The following RASGEF1A variants were observed in gnomAD, a reference collection of about 807,000 sequenced individuals.
RASGEF1A encodes RasGEF domain family member 1A.
RASGEF1A carries 18 observed loss-of-function variants against 56.4 expected under a neutral mutation model. That is an observed-to-expected ratio of 0.32 (90% confidence interval 0.22 to 0.47). RASGEF1A has a LOEUF of 0.47. Among genes scored for constraint, RASGEF1A ranks in the 20% least tolerant of loss-of-function variants. The probability of loss-of-function intolerance (pLI) is 1.00; values close to 1 mark genes in which losing one functional copy is unlikely to be tolerated. For synonymous variants in RASGEF1A, 245 were observed against 242.6 expected, an observed-to-expected ratio of 1.01 and a Z score of -0.09; for missense variants, 422 against 627.1, an observed-to-expected ratio of 0.67 and a Z score of 3.49.
intron 1 of RASGEF1A, among the ~76,000 whole-genome samples, chr10:43,209,373 C>CA: frequency 6.6e-6 from 1 of 152,304 alleles, no homozygotes; most frequent in East Asian, 1.9e-4. Context: ...GAGCAAGCAG[C>CA]AGGGGTAGGC....
chr10:43,212,975 G>A (rs915407005), intron 1 of RASGEF1A, among the ~76,000 whole-genome samples: 1 of 152,212 alleles, frequency 6.6e-6, no homozygotes, highest in African/African-American at 2.4e-5. Flanking sequence ...AGGTCACTAT[G>A]TTAAGTGGAG....
chr10:43,237,728 G>A (rs1024730031), intron 1 of RASGEF1A, among the ~76,000 whole-genome samples: 2 of 151,790 alleles, frequency 1.3e-5, no homozygotes, highest in African/African-American at 2.4e-5. Flanking sequence ...AGCTGGCTCC[G>A]CTCTCCCCAA....
chr10:43,257,397 C>A (rs1003432861), intron 1 of RASGEF1A, among the ~76,000 whole-genome samples: 2 of 152,258 alleles, frequency 1.3e-5, no homozygotes, highest in Non-Finnish European at 2.9e-5. Context: ...CAGCGAGTCC[C>A]ACCCATGCAG....
At chr10:43,227,753 T>C (rs1840299753) in intron 1 of RASGEF1A, among the ~76,000 whole-genome samples, 1 of 151,968 alleles carries the variant, frequency 6.6e-6, no homozygotes, top group African/African-American at 2.4e-5. Flanking sequence ...GGGTGGGAAG[T>C]GTTGAACTGT....
chr10:43,198,844 C>T (rs1839842836), intron 9 of RASGEF1A, 89 bp downstream of exon 9: 2 of 1,228,790 alleles, frequency 1.6e-6, no homozygotes, highest in Non-Finnish European at 1.2e-6. Flanking sequence ...AGGAGGGCAG[C>T]CCCCCACCCC....
Position 43,196,952 on chromosome 10 carries a change from G to A in RASGEF1A, c.1348+24C>T. ...AGGAGTCAGGTGGGGTGGGAGGCAT[G>A]CTGCGTTGGGAGGCAGCCCTCACCT... is the stretch of plus-strand genomic sequence containing the variant. On this transcript the variant is annotated intron_variant, in intron 11 of 12. Transcript: ENST00000395810. The surrounding 1 kb of genome is among the most constrained non-coding windows in gnomAD (Gnocchi z 4.6). 1 of 1,610,982 alleles carries A rather than the reference G, an allele frequency of 6.2e-7. No individual in the cohort carries two copies. Among genetic ancestry groups the A allele is most frequent in the African/African-American group, 1.3e-5 (1 of 75,018 alleles).
chr10:43,239,814 A>C (rs958703093), intron 1 of RASGEF1A, among the ~76,000 whole-genome samples: 3 of 152,226 alleles, frequency 2.0e-5, no homozygotes, highest in African/African-American at 7.2e-5. Flanking sequence ...AAGTACAAAA[A>C]TCATATTCCC....
intron 1 of RASGEF1A, among the ~76,000 whole-genome samples, chr10:43,246,368 T>A (rs1038546060): frequency 3.9e-5 from 6 of 152,174 alleles, no homozygotes; most frequent in African/African-American, 1.4e-4. Flanking sequence ...GCAATCCCTA[T>A]CAAAATTCTA....
Position 43,267,047 on chromosome 10 carries a change from G to A in RASGEF1A, c.-209C>T, listed in dbSNP as rs906496180. ...CGCCGGGGAGCGCGAGCGAGCGAGC[G>A]AACGAGCGAGCGCGGAGCGAGCGCC... On this transcript the variant is annotated 5_prime_UTR_variant, in exon 1 of 13. Coordinates refer to ENST00000395810, the MANE Select transcript of RASGEF1A (RefSeq NM_145313.4). 2 of 149,978 alleles carry A rather than the reference G, an allele frequency of 1.3e-5. No individual in the cohort carries two copies. Among genetic ancestry groups the A allele is most frequent in the Non-Finnish European group, 1.5e-5 (1 of 67,464 alleles). The allele number at this position is 149,978 out of a possible 1,614,324, so 9.3% of individuals were successfully genotyped here. A position where few individuals can be genotyped will look rare whatever the true frequency, so the allele number is the denominator to read the frequency against.
At chr10:43,232,485 CTT>C (rs55766600) in intron 1 of RASGEF1A, among the ~76,000 whole-genome samples, 32 of 123,608 alleles carry the variant, frequency 2.6e-4, no homozygotes, top group Admixed American at 6.9e-4. Context: ...CAGTCTCCGG[CTT>C]TTTTTTTTTT....
In RASGEF1A at chr10:43,194,641, A is replaced by AACATCAAATCAGGGTAT. The variant is rs1839770172; in HGVS notation, c.*1586_*1602dup. The AACATCAAATCAGGGTAT allele has an allele frequency of 6.6e-6, 1 of 152,264 alleles. No individual in the cohort carries two copies. The highest frequency in any genetic ancestry group is 2.4e-5 in the African/African-American group (1 of 41,458). 9.4% of individuals were successfully genotyped at this position (152,264 alleles called of 1,614,324 possible). On this transcript the variant is annotated 3_prime_UTR_variant, in exon 13 of 13. Coordinates refer to ENST00000395810, the MANE Select transcript of RASGEF1A (RefSeq NM_145313.4). ...ACTCAGAGTTCATCTCAAATACCAA[A>AACATCAAATCAGGGTAT]ACATCAAATCAGGGTATGTATCAAA...
intron 1 of RASGEF1A, among the ~76,000 whole-genome samples, chr10:43,244,034 T>C (rs563062658): frequency 1.3e-5 from 2 of 152,378 alleles, no homozygotes; most frequent in Admixed American, 1.3e-4. Flanking sequence ...CATTTTGTTC[T>C]GTACTAAGAA....
chr10:43,220,019 T>G (rs1247546643), intron 1 of RASGEF1A, among the ~76,000 whole-genome samples: 1 of 152,160 alleles, frequency 6.6e-6, no homozygotes, highest in Non-Finnish European at 1.5e-5. Flanking sequence ...TGGCAGCCTC[T>G]GGGAAACAGC....
chr10:43,256,741 G>A (rs1052054374), intron 1 of RASGEF1A, among the ~76,000 whole-genome samples: 3 of 152,140 alleles, frequency 2.0e-5, no homozygotes, highest in South Asian at 2.1e-4. Context: ...GCCCCCACTC[G>A]CGCCATCTGC....
rs117614719 is a variant in RASGEF1A, at chr10:43,227,783, G to A, written c.-6-21661C>T. 1.5e-3 allele frequency among the ~76,000 whole-genome samples: 225 copies of A among 152,234 alleles called. 5 individuals carry two copies. In the East Asian group the frequency reaches 0.034, roughly 23 times the overall value. On this transcript the variant is annotated intron_variant, in intron 1 of 12. Transcript: ENST00000395810. ...AACTGTCCCTGCTCCCACCTGCTGT[G>A]CCTGCCATCTTGCCCACCTCTAAGG...
chr10:43,209,298 G>C, intron 1 of RASGEF1A: 1 of 810,992 alleles, frequency 1.2e-6, no homozygotes, highest in African/African-American at 1.9e-5. Context: ...ATTCCCTTAC[G>C]CAGACGAGGG....
At chr10:43,238,279 G>T (rs969572692) in intron 1 of RASGEF1A, among the ~76,000 whole-genome samples, 1 of 152,090 alleles carries the variant, frequency 6.6e-6, no homozygotes, top group Non-Finnish European at 1.5e-5. Flanking sequence ...ACCTGCCTTC[G>T]GGGGTGTTGT....
chr10:43,203,325 C>G lies in RASGEF1A; in HGVS notation c.294G>C (p.Lys98Asn). The part of the protein sequence containing the change: ...ARVGQICVEQ[K>N]QQLEAGPEKA... ...TTTCAGGCCCGGCTTCCAGCTGCTG[C>G]TTCTGCTCCACGCAGATCTGCCCCA... is the stretch of plus-strand genomic sequence containing the variant. Residue 98 changes from lysine to asparagine, a missense_variant, in exon 3 of 13, where the codon AAG becomes AAC. Transcript: ENST00000395810. The G allele has an allele frequency of 1.3e-6, 2 of 1,570,876 alleles. No homozygotes were observed. Among genetic ancestry groups the G allele is most frequent in the Non-Finnish European group, 1.7e-6 (2 of 1,158,412 alleles).
At chr10:43,236,899 T>C (rs1446108300) in intron 1 of RASGEF1A, among the ~76,000 whole-genome samples, 4 of 151,190 alleles carry the variant, frequency 2.6e-5, no homozygotes, top group South Asian at 2.1e-4. Context: ...CTTAGGACCA[T>C]AGGGGGGTCT....
Sources: gnomAD v4.1 joint callset for allele counts (sites outside exome capture counted in the v4.1 genomes callset) on GRCh38, gnomAD v4.1.1 for gene constraint, Gnocchi (gnomAD v3.1) non-coding constraint, MANE v1.5 for transcripts, NCBI Gene and HGNC (gene_info 2026-07-23, HGNC 2026-07-21) for gene names.